Variants in SMOC2 observed in about 807,000 individuals in gnomAD.
SMOC2 encodes SPARC related modular calcium binding 2.
SMOC2 carries 39 observed loss-of-function variants against 61.4 expected under a neutral mutation model. The ratio of observed to expected loss-of-function variants is 0.64; its 90% CI spans 0.49 to 0.83. SMOC2 has a LOEUF of 0.83. Among genes scored for constraint, SMOC2 ranks in the 40% least tolerant of loss-of-function variants. The pLI, the probability that SMOC2 is intolerant of heterozygous loss-of-function variation, is 0.00. For missense variants in SMOC2, 556 were observed against 592.9 expected, an observed-to-expected ratio of 0.94 and a Z score of 0.65; for synonymous variants, 247 against 239.9, an observed-to-expected ratio of 1.03 and a Z score of -0.27.
At chr6:168,623,892 TG>T (rs1786314902) in intron 9 of SMOC2, among the ~76,000 whole-genome samples, 1 of 152,116 alleles carries the variant, frequency 6.6e-6, no homozygotes. Context: ...GTCGGTGCAG[TG>T]GCTGTGGGGA....
intron 4 of SMOC2, among the ~76,000 whole-genome samples, chr6:168,538,359 G>A (rs1783791765): frequency 7.3e-6 from 1 of 136,056 alleles, no homozygotes; most frequent in Admixed American, 7.2e-5. Flanking sequence ...TGGGGAGTGG[G>A]GTGACCCCTG....
chr6:168,538,013 G>A lies in SMOC2; in HGVS notation c.464-5612G>A, dbSNP rs116058488. Among the ~76,000 whole-genome samples the A allele has an allele frequency of 3.8e-3, 573 of 152,164 alleles. 2 individuals carry two copies. The highest frequency in any genetic ancestry group is 0.013 in the African/African-American group (553 of 41,490). On this transcript the variant is annotated intron_variant, in intron 4 of 12. Transcript: ENST00000356284. ...TGGCAGAGTGGGGTGAGCTCTGCTGGAATCTGGGGGAATGGGGTGACCACT... is the reference window on the plus strand; with the variant it reads ...TGGCAGAGTGGGGTGAGCTCTGCTGAAATCTGGGGGAATGGGGTGACCACT...
At chr6:168,487,576 C>T (rs1782364443) in intron 1 of SMOC2, among the ~76,000 whole-genome samples, 1 of 152,116 alleles carries the variant, frequency 6.6e-6, no homozygotes, top group African/African-American at 2.4e-5. Context: ...GCGATCTTGA[C>T]TCACTGCAAC....
At chr6:168,607,869 T>TCCAACCCTGCAACGGGAGGAGGGGGG (rs1440562829) in intron 8 of SMOC2, among the ~76,000 whole-genome samples, 1 of 56,674 alleles carries the variant, frequency 1.8e-5, no homozygotes, top group South Asian at 4.7e-4. Context: ...TGTGGGTGCT[T>TCCAACCCTGCAACGGGAGGAGGGGGG]GGCAGCTGCT....
intron 7 of SMOC2, among the ~76,000 whole-genome samples, chr6:168,598,334 G>A (rs146833386): frequency 6.6e-6 from 1 of 152,220 alleles, no homozygotes; most frequent in Non-Finnish European, 1.5e-5. Flanking sequence ...AATGAGGAGA[G>A]AGGGGTCACA....
At chr6:168,610,206 GGA>G (rs1785819427) in intron 9 of SMOC2, among the ~76,000 whole-genome samples, 2 of 152,152 alleles carry the variant, frequency 1.3e-5, no homozygotes, top group Non-Finnish European at 2.9e-5. Context: ...TGCTAAAACA[GGA>G]GGAGAAGGAT....
intron 7 of SMOC2, among the ~76,000 whole-genome samples, chr6:168,550,852 G>T (rs137860339): frequency 3.1e-4 from 47 of 152,028 alleles, no homozygotes; most frequent in African/African-American, 1.1e-3. Context: ...GTTCAATTTT[G>T]TCACCCCATT....
At chr6:168,559,795 C>T (rs1253572803) in intron 7 of SMOC2, among the ~76,000 whole-genome samples, 1 of 152,128 alleles carries the variant, frequency 6.6e-6, no homozygotes, top group Non-Finnish European at 1.5e-5. Context: ...TACCAGCCCC[C>T]CTAATATTTT....
At chr6:168,468,858 G>A (rs1274869142) in intron 1 of SMOC2, among the ~76,000 whole-genome samples, 1 of 152,214 alleles carries the variant, frequency 6.6e-6, no homozygotes, top group Non-Finnish European at 1.5e-5. Flanking sequence ...TATTTGTAAA[G>A]CTCATTTCTG....
chr6:168,549,239 A>G, intron 7 of SMOC2, 36 bp downstream of exon 7: 1 of 1,584,388 alleles, frequency 6.3e-7, no homozygotes, highest in Non-Finnish European at 8.7e-7. Flanking sequence ...GTAAGGAGTG[A>G]TTTAATAGAT....
intron 1 of SMOC2, among the ~76,000 whole-genome samples, chr6:168,481,733 T>C (rs1043188053): frequency 4.6e-5 from 7 of 151,964 alleles, no homozygotes; most frequent in Non-Finnish European, 1.0e-4. Flanking sequence ...ACTGTCAGAA[T>C]GGATAAAAAG....
In SMOC2 at chr6:168,599,146, C is replaced by T. The variant is rs553589286; in HGVS notation, c.824+142C>T. The T allele has an allele frequency of 2.3e-4, 170 of 741,404 alleles. 1 individual carries two copies. The African/African-American group carries it at 2.7e-3, about 12-fold the overall frequency. 45.9% of individuals were successfully genotyped at this position (741,404 alleles called of 1,614,324 possible). A position where few individuals can be genotyped will look rare whatever the true frequency, so the allele number is the denominator to read the frequency against. On this transcript the variant is annotated intron_variant, in intron 8 of 12. Transcript: ENST00000356284. ...CACACTCACACACACTGATACCACACACATACCCACACACACCCACGCTCT... is the reference window on the plus strand; with the variant it reads ...CACACTCACACACACTGATACCACATACATACCCACACACACCCACGCTCT...
At position 168,558,888 on chromosome 6, in the gene SMOC2, C is replaced by T. The variant is rs565768666; in HGVS notation, c.637+9685C>T. Among the ~76,000 whole-genome samples the T allele has an allele frequency of 3.3e-4, 49 of 148,290 alleles. 1 individual carries two copies. The highest frequency in any genetic ancestry group is 9.9e-4 in the East Asian group (5 of 5,030). ...GTGTGTGCATGTGTGTGCGTGTGTG[C>T]GTGTGCATGTGTGTGCACGTGTGTA... On this transcript the variant is annotated intron_variant, in intron 7 of 12. Transcript: ENST00000356284.
chr6:168,658,036 G>A (rs1787370379), intron 11 of SMOC2, among the ~76,000 whole-genome samples: 1 of 152,162 alleles, frequency 6.6e-6, no homozygotes. Context: ...GACAAATGGT[G>A]TTTTGCTCTT....
At chr6:168,546,636 G>T (rs552327670) in intron 5 of SMOC2, among the ~76,000 whole-genome samples, 1 of 152,160 alleles carries the variant, frequency 6.6e-6, no homozygotes, top group Admixed American at 6.5e-5. Context: ...TGTAGAAAGG[G>T]GTCCAGGATT....
chr6:168,584,614 T>G (rs1320270695), intron 7 of SMOC2, among the ~76,000 whole-genome samples: 1 of 151,654 alleles, frequency 6.6e-6, no homozygotes, highest in Non-Finnish European at 1.5e-5. Context: ...TTGAGTCTGA[T>G]ATACTATTCA....
rs549082686 is a variant in SMOC2, at chr6:168,498,463, G to A, written c.85-11452G>A. On this transcript the variant is annotated intron_variant, in intron 1 of 12. Transcript: ENST00000356284. ...TAGTTTAGCTGTGCCAGAAAATGTCGAGGCTATCAGCGAATTTGTGAATTA... is the reference window on the plus strand; with the variant it reads ...TAGTTTAGCTGTGCCAGAAAATGTCAAGGCTATCAGCGAATTTGTGAATTA... 1.7e-4 allele frequency among the ~76,000 whole-genome samples: 26 copies of A among 151,836 alleles called. No individual in the cohort carries two copies. The East Asian group carries it at 4.9e-3, about 29-fold the overall frequency.
intron 1 of SMOC2, among the ~76,000 whole-genome samples, chr6:168,484,417 C>G (rs1782282843): frequency 6.6e-6 from 1 of 152,126 alleles, no homozygotes; most frequent in South Asian, 2.1e-4. Flanking sequence ...ATTATAATAG[C>G]TACTGTTTTA....
At chr6:168,581,605 A>G (rs1197045587) in intron 7 of SMOC2, among the ~76,000 whole-genome samples, 1 of 152,242 alleles carries the variant, frequency 6.6e-6, no homozygotes, top group African/African-American at 2.4e-5. Context: ...ATGAATATCA[A>G]TCATTACCTA....
Sources: allele counts gnomAD v4.1 joint callset (sites outside exome capture counted in the v4.1 genomes callset), GRCh38; gene constraint gnomAD v4.1.1; transcripts MANE v1.5; gene names NCBI Gene and HGNC (gene_info 2026-07-23, HGNC 2026-07-21).